Variants in SNX16 observed in about 807,000 individuals in gnomAD.
SNX16 encodes sorting nexin-16.
Under a neutral mutation model 36.7 loss-of-function variants are expected in SNX16, and 35 were observed. The observed-to-expected ratio is 0.95, with a 90% CI of 0.73 to 1.27. The LOEUF (loss-of-function observed/expected upper bound fraction) is 1.27. Ranked by LOEUF, SNX16 falls within the 50% of genes most tolerant of loss-of-function variation. SNX16 has a pLI of 0.00. For synonymous variants in SNX16, 134 were observed against 132.0 expected, an observed-to-expected ratio of 1.02 and a Z score of -0.10; for missense variants, 367 against 393.6, an observed-to-expected ratio of 0.93 and a Z score of 0.57.
At chr8:81,806,289 C>A (rs1230135398) in intron 5 of SNX16, among the ~76,000 whole-genome samples, 2 of 152,064 alleles carry the variant, frequency 1.3e-5, no homozygotes, top group Non-Finnish European at 2.9e-5. Context: ...TAAATAAAAT[C>A]ATTACAATTC....
intron 5 of SNX16, among the ~76,000 whole-genome samples, chr8:81,804,689 T>G (rs1424023397): frequency 6.6e-6 from 1 of 152,084 alleles, no homozygotes; most frequent in East Asian, 1.9e-4. Flanking sequence ...AAAAGAACTA[T>G]GATGTTTAAA....
intron 7 of SNX16, among the ~76,000 whole-genome samples, chr8:81,802,039 C>T (rs189087181): frequency 9.9e-5 from 15 of 151,390 alleles, no homozygotes; most frequent in Admixed American, 3.9e-4. Flanking sequence ...CCTACTTTTT[C>T]AATGGAAAAA....
In SNX16 at chr8:81,839,824, T is replaced by G; in HGVS notation, c.163A>C (p.Thr55Pro). Residue 55 changes from threonine (T) to proline (P), a missense_variant, in exon 2 of 8, where the codon ACA (threonine) becomes CCA (proline). Physicochemically the swap from Thr to Pro is conservative, Grantham distance 38. Transcript: ENST00000345957. ...EDSNMGNFKQ[T>P]SVPDQMDNTS... Reference sequence around the variant, plus strand: ...TTATCCATTTGATCAGGAACACTTGTCTGTTTAAAATTACCCATATTTGAG... The same window carrying G: ...TTATCCATTTGATCAGGAACACTTGGCTGTTTAAAATTACCCATATTTGAG... 2 of 1,613,776 alleles carry G rather than the reference T, an allele frequency of 1.2e-6. No individual in the cohort carries two copies. Among genetic ancestry groups the G allele is most frequent in the South Asian group, 1.1e-5 (1 of 91,080 alleles).
intron 5 of SNX16, among the ~76,000 whole-genome samples, chr8:81,811,629 A>G (rs1420554137): frequency 6.6e-6 from 1 of 152,180 alleles, no homozygotes; most frequent in African/African-American, 2.4e-5. Context: ...TGAGGAGACA[A>G]ACTTCACAGA....
chr8:81,805,323 A>G (rs1325339034), intron 5 of SNX16, among the ~76,000 whole-genome samples: 1 of 152,162 alleles, frequency 6.6e-6, no homozygotes, highest in Non-Finnish European at 1.5e-5. Flanking sequence ...ACGAGAATGA[A>G]AATATTAAGA....
At chr8:81,831,782 A>C (rs549173893) in intron 2 of SNX16, among the ~76,000 whole-genome samples, 29 of 152,284 alleles carry the variant, frequency 1.9e-4, no homozygotes, top group African/African-American at 6.5e-4. Context: ...ACTTCTTAAA[A>C]GAAGACATAC....
At chr8:81,805,648 G>A (rs900654468) in intron 5 of SNX16, among the ~76,000 whole-genome samples, 2 of 152,124 alleles carry the variant, frequency 1.3e-5, no homozygotes, top group African/African-American at 2.4e-5. Context: ...ACAGTTTTGC[G>A]GTGGCTCACG....
chr8:81,830,569 G>A (rs866272417), intron 2 of SNX16, among the ~76,000 whole-genome samples: 6 of 127,810 alleles, frequency 4.7e-5, no homozygotes, highest in South Asian at 5.4e-4. Flanking sequence ...GCAAGACTCC[G>A]TCTAGGGGGT....
At chr8:81,826,113 A>G (rs1233274453) in intron 3 of SNX16, among the ~76,000 whole-genome samples, 1 of 152,180 alleles carries the variant, frequency 6.6e-6, no homozygotes, top group Non-Finnish European at 1.5e-5. Context: ...GGGATAGAGA[A>G]AATAAGATCC....
Position 81,822,975 on chromosome 8 carries a change from T to TATATATATATATAC in SNX16, c.611+816_611+817insGTATATATATATAT, listed in dbSNP as rs1443392174. The stretch of plus-strand genomic sequence containing the variant: ...ATATATATATATATATATATATATA[T>TATATATATATATAC]ACACATATGTGTGTGTATATCTATA... On this transcript the variant is annotated intron_variant, in intron 4 of 7. Transcript: ENST00000345957. Among the ~76,000 whole-genome samples, 3 of 146,024 alleles carry TATATATATATATAC rather than the reference T, an allele frequency of 2.1e-5. 1 individual carries two copies. The highest frequency in any genetic ancestry group is 7.5e-5 in the African/African-American group (3 of 39,838).
intron 5 of SNX16, among the ~76,000 whole-genome samples, chr8:81,810,446 A>T (rs1416816686): frequency 6.6e-6 from 1 of 152,226 alleles, no homozygotes; most frequent in Non-Finnish European, 1.5e-5. Context: ...AGGCTGCTTA[A>T]GTAAGTCTGC....
chr8:81,826,855 C>A (rs1811042613), intron 3 of SNX16, among the ~76,000 whole-genome samples: 1 of 152,172 alleles, frequency 6.6e-6, no homozygotes, highest in Non-Finnish European at 1.5e-5. Context: ...AAGTTAGAAT[C>A]ACATCTATAT....
intron 5 of SNX16, among the ~76,000 whole-genome samples, chr8:81,807,518 C>CAAAAAAAAA (rs71268027): frequency 8.5e-4 from 42 of 49,326 alleles, no homozygotes; most frequent in Non-Finnish European, 9.3e-4. Context: ...GACTCTGTCT[C>CAAAAAAAAA]AAAAAAAAAA....
In SNX16 at chr8:81,808,428, G is replaced by A. The variant is rs918033214; in HGVS notation, c.682-5200C>T. 3.5e-6 allele frequency: 4 copies of A among 1,143,110 alleles called. No individual in the cohort carries two copies. The African/African-American group carries it at 6.0e-5, about 17-fold the overall frequency. 70.8% of individuals were successfully genotyped at this position (1,143,110 alleles called of 1,614,324 possible). A position where few individuals can be genotyped will look rare whatever the true frequency, so the allele number is the denominator to read the frequency against. ...TGGGAATGACAACTTTGGTTGTGGA[G>A]GAAACTTCAGGGGTCATGGTGGCTT... is the stretch of plus-strand genomic sequence containing the variant. On this transcript the variant is annotated intron_variant, in intron 5 of 7. Coordinates refer to ENST00000345957, the MANE Select transcript of SNX16 (RefSeq NM_152836.3).
chr8:81,802,583 A>T, intron 6 of SNX16, 84 bp from the exon 7 acceptor site: 1 of 1,178,814 alleles, frequency 8.5e-7, no homozygotes, highest in Non-Finnish European at 1.2e-6. Context: ...TAGCTATAGC[A>T]GTCTTTAGCT....
At chr8:81,828,345 GAA>G (rs1811102702) in intron 3 of SNX16, among the ~76,000 whole-genome samples, 1 of 152,102 alleles carries the variant, frequency 6.6e-6, no homozygotes, top group African/African-American at 2.4e-5. Flanking sequence ...CTTGACAGGT[GAA>G]AAAGAGTGTC....
chr8:81,841,846 C>G (rs1014449250), intron 1 of SNX16: 1 of 152,190 alleles, frequency 6.6e-6, no homozygotes, highest in African/African-American at 2.4e-5. Flanking sequence ...AGGCCGGGGT[C>G]TGCGCCGGTC....
intron 5 of SNX16, chr8:81,808,063 C>T: frequency 9.9e-7 from 1 of 1,008,702 alleles, no homozygotes; most frequent in Non-Finnish European, 1.6e-6. Context: ...TTCTCAAAGA[C>T]CAGTTGCCTA....
intron 2 of SNX16, among the ~76,000 whole-genome samples, chr8:81,834,779 G>A (rs908035860): frequency 1.3e-5 from 2 of 152,218 alleles, no homozygotes; most frequent in African/African-American, 2.4e-5. Flanking sequence ...CCACCCCTGG[G>A]GCTTTGCAGG....
Sources: gnomAD v4.1 joint callset for allele counts (sites outside exome capture counted in the v4.1 genomes callset) on GRCh38, gnomAD v4.1.1 for gene constraint, MANE v1.5 for transcripts, NCBI Gene and HGNC (gene_info 2026-07-23, HGNC 2026-07-21) for gene names.